Variants in CDK5RAP2 observed in about 807,000 individuals in gnomAD.
CDK5RAP2 encodes the protein CDK5 regulatory subunit associated protein 2.
CDK5RAP2 carries 147 observed loss-of-function variants against 232.9 expected under a neutral mutation model. The observed-to-expected ratio is 0.63, with a 90% CI of 0.55 to 0.72. The LOEUF (loss-of-function observed/expected upper bound fraction) is 0.72, where lower values mean the gene tolerates loss of function less well. Ranked by LOEUF, CDK5RAP2 falls within the 30% of genes least tolerant of loss-of-function variation. CDK5RAP2 has a pLI of 0.00. For synonymous variants in CDK5RAP2, 833 were observed against 833.7 expected (o/e 1.00, Z 0.01); for missense variants, 2,195 against 2,231.5 (o/e 0.98, Z 0.33).
At chr9:120,578,489 A>C (rs1190679356) in intron 1 of CDK5RAP2, among the ~76,000 whole-genome samples, 2 of 152,058 alleles carry the variant, frequency 1.3e-5, no homozygotes, top group African/African-American at 2.4e-5. Flanking sequence ...TAAACAGAAA[A>C]ACCATTTGTC....
At chr9:120,440,628 T>A (rs3739824) in intron 23 of CDK5RAP2, among the ~76,000 whole-genome samples, 15,932 of 152,224 alleles carry the variant, frequency 0.1, 1,865 homozygotes, top group African/African-American at 0.29. Flanking sequence ...AGTAAAAATT[T>A]TAAGTGGCTT....
chr9:120,389,934 G>A, intron 36 of CDK5RAP2, 147 bp from the exon 37 acceptor site: 1 of 728,420 alleles, frequency 1.4e-6, no homozygotes, highest in Non-Finnish European at 2.5e-6. Flanking sequence ...ACCAGAGGGA[G>A]GTACAAAGGG....
intron 3 of CDK5RAP2, among the ~76,000 whole-genome samples, chr9:120,556,119 T>C (rs559785771): frequency 1.4e-4 from 21 of 152,290 alleles, no homozygotes; most frequent in Admixed American, 4.6e-4. Flanking sequence ...TGGTGATCAT[T>C]ACACGTGCCA....
intron 13 of CDK5RAP2, among the ~76,000 whole-genome samples, chr9:120,489,770 A>G (rs1198351978): frequency 2.8e-5 from 4 of 144,342 alleles, no homozygotes; most frequent in South Asian, 2.2e-4. Flanking sequence ...TATTTCCTCT[A>G]TGTACCTCTG....
chr9:120,555,344 GC>G (rs1454578421), intron 3 of CDK5RAP2, among the ~76,000 whole-genome samples: 1 of 151,950 alleles, frequency 6.6e-6, no homozygotes, highest in African/African-American at 2.4e-5. Flanking sequence ...CACCATGTTG[GC>G]CAGGCTGGTC....
Position 120,478,635 on chromosome 9 carries a change from G to A in CDK5RAP2, c.1627-1185C>T, listed in dbSNP as rs543412040. ...AAAAAAGTAAAAGATAAAAACATTCGCTGGATATGGTGGCATGCACCTATA... is the reference window on the plus strand; with the variant it reads ...AAAAAAGTAAAAGATAAAAACATTCACTGGATATGGTGGCATGCACCTATA... On this transcript the variant is annotated intron_variant, in intron 14 of 37. Transcript: ENST00000349780. Among the ~76,000 whole-genome samples, 36 of 152,156 alleles carry A rather than the reference G, an allele frequency of 2.4e-4. 1 individual carries two copies. The highest frequency in any genetic ancestry group is 7.7e-4 in the African/African-American group (32 of 41,518).
At chr9:120,548,030 T>C (rs571096992) in intron 4 of CDK5RAP2, among the ~76,000 whole-genome samples, 1 of 152,268 alleles carries the variant, frequency 6.6e-6, no homozygotes, top group South Asian at 2.1e-4. Flanking sequence ...TCCCATGACA[T>C]GGGGGCCTTA....
At chr9:120,535,627 A>C (rs1374732863) in intron 7 of CDK5RAP2, among the ~76,000 whole-genome samples, 1 of 152,244 alleles carries the variant, frequency 6.6e-6, no homozygotes, top group Non-Finnish European at 1.5e-5. Context: ...CTGCCAAATA[A>C]GGCAAGAGTA....
intron 13 of CDK5RAP2, among the ~76,000 whole-genome samples, chr9:120,488,895 C>T (rs929540622): frequency 2.0e-5 from 3 of 152,234 alleles, no homozygotes; most frequent in Non-Finnish European, 2.9e-5. Context: ...AGCTCTCATC[C>T]CAGGACTTCC....
chr9:120,528,743 C>T lies in CDK5RAP2; in HGVS notation c.879+1G>A. On this transcript the variant is annotated splice_donor_variant, in intron 9 of 37. Transcript: ENST00000349780. LOFTEE classifies it high-confidence loss of function. ...CATTTTTTAAAATTGTATCAACATA[C>T]CTGGATCCTCTCTTCAAAGCTGTTT... 5 of 1,585,816 alleles carry T rather than the reference C, an allele frequency of 3.2e-6. No individual in the cohort carries two copies. Among genetic ancestry groups the T allele is most frequent in the Non-Finnish European group, 4.3e-6 (5 of 1,153,938 alleles).
intron 29 of CDK5RAP2, 54 bp from the exon 30 acceptor site, chr9:120,409,370 CTTA>C (rs2033703251): frequency 7.8e-7 from 1 of 1,290,068 alleles, no homozygotes; most frequent in South Asian, 1.3e-5. Context: ...TTTTTCCAAC[CTTA>C]TTATATAAAT....
chr9:120,485,811 T>C (rs1310842866), intron 14 of CDK5RAP2, among the ~76,000 whole-genome samples: 2 of 152,166 alleles, frequency 1.3e-5, no homozygotes, highest in African/African-American at 4.8e-5. Context: ...GATTTAGTTA[T>C]AAGACTTGCC....
chr9:120,404,162 T>A lies in CDK5RAP2; in HGVS notation c.4964-49A>T, dbSNP rs746656355. The A allele has an allele frequency of 2.5e-6, 3 of 1,185,090 alleles. No individual in the cohort carries two copies. In the African/African-American group the frequency reaches 4.5e-5, roughly 18 times the overall value. 73.4% of individuals were successfully genotyped at this position (1,185,090 alleles called of 1,614,324 possible). ...CTGTTAGTTTCACTGTTGTCAGCATTCAAGAGAGAACTGAAAGAGAATACA... is the reference window on the plus strand; with the variant it reads ...CTGTTAGTTTCACTGTTGTCAGCATACAAGAGAGAACTGAAAGAGAATACA... On this transcript the variant is annotated intron_variant, in intron 32 of 37. Transcript: ENST00000349780.
At chr9:120,524,166 T>C (rs890333461) in intron 11 of CDK5RAP2, among the ~76,000 whole-genome samples, 5 of 152,226 alleles carry the variant, frequency 3.3e-5, no homozygotes, top group Admixed American at 2.6e-4. Context: ...ACTTACTTCA[T>C]AGAGCTGCTG....
In CDK5RAP2 at chr9:120,579,997, A is replaced by C. The variant is rs932974; in HGVS notation, c.-19T>G. ...CCATCATGGCTACAGAGGTGGCGAC[A>C]GCGTTGGTGTCTGTGGCGGCGGCGC... On this transcript the variant is annotated 5_prime_UTR_variant, in exon 1 of 38. Transcript: ENST00000349780. 1.9e-6 allele frequency: 3 copies of C among 1,582,004 alleles called. No individual in the cohort carries two copies. Among genetic ancestry groups the C allele is most frequent in the Non-Finnish European group, 2.6e-6 (3 of 1,151,642 alleles).
intron 25 of CDK5RAP2, among the ~76,000 whole-genome samples, chr9:120,429,274 G>A (rs2035125074): frequency 6.6e-6 from 1 of 150,842 alleles, no homozygotes; most frequent in African/African-American, 2.4e-5. Context: ...TTAGGCAGGA[G>A]AAGGAAATAA....
At chr9:120,527,518 G>A (rs372414121) in intron 10 of CDK5RAP2, among the ~76,000 whole-genome samples, 3 of 13,332 alleles carry the variant, frequency 2.3e-4, no homozygotes, top group African/African-American at 2.0e-4. Context: ...TTTTGGGGGG[G>A]GATATATATA....
chr9:120,400,714 A>G, intron 35 of CDK5RAP2, 28 bp downstream of exon 35: 2 of 1,612,272 alleles, frequency 1.2e-6, no homozygotes, highest in Non-Finnish European at 1.7e-6. Flanking sequence ...GGCATCCTTG[A>G]GCCTCTGAAA....
chr9:120,579,902 C>T lies in CDK5RAP2; in HGVS notation c.59+18G>A, dbSNP rs765404043. ...AACCCCGGCCCGGTTACCACGACCA[C>T]CAATGCCCCGGCCGCACCTGCAGCC... On this transcript the variant is annotated intron_variant, in intron 1 of 37. Transcript: ENST00000349780. 1 of 1,607,968 alleles carries T rather than the reference C, an allele frequency of 6.2e-7. No homozygotes were observed. Among genetic ancestry groups the T allele is most frequent in the South Asian group, 1.1e-5 (1 of 90,948 alleles).
Sources: gnomAD v4.1 joint callset for allele counts (sites outside exome capture counted in the v4.1 genomes callset) on GRCh38, gnomAD v4.1.1 for gene constraint, MANE v1.5 for transcripts, NCBI Gene and HGNC (gene_info 2026-07-23, HGNC 2026-07-21) for gene names.